The following MYOM1 variants were observed in gnomAD, a reference collection of about 807,000 sequenced individuals.
MYOM1 encodes the protein myomesin-1.
In MYOM1, 164 loss-of-function variants were observed where a neutral mutation model predicts 205.3. The observed-to-expected ratio is 0.80, with a 90% CI of 0.70 to 0.91. The LOEUF (loss-of-function observed/expected upper bound fraction) is 0.91. MYOM1 is among the 40% of genes least tolerant of loss of function. The pLI, the probability that MYOM1 is intolerant of heterozygous loss-of-function variation, is 0.00. For missense variants in MYOM1, 2,011 were observed against 2,127.3 expected (o/e 0.95, Z 1.08); for synonymous variants, 772 against 789.4 (o/e 0.98, Z 0.37).
At position 3,086,148 on chromosome 18, in the gene MYOM1, C is replaced by A; in HGVS notation, c.4141G>T (p.Ala1381Ser). The A allele has an allele frequency of 6.4e-7, 1 of 1,573,324 alleles. No homozygotes were observed. Among genetic ancestry groups the A allele is most frequent in the Non-Finnish European group, 8.6e-7 (1 of 1,156,108 alleles). Residue 1381 changes from alanine (A) to serine (S), a missense_variant, in exon 30 of 38, where the codon GCA becomes TCA. Ala to Ser is a moderately conservative substitution (Grantham distance 99, BLOSUM62 1). Transcript: ENST00000356443. ...ATATGAGTCTCCTTCTTAATATTTG[C>A]CACCTAGGAGAAAAACCATAATTAC... Reference protein sequence around the residue: ...ECNVLLKCKVANIKKETHIVW... With the variant: ...ECNVLLKCKVSNIKKETHIVW...
intron 25 of MYOM1, among the ~76,000 whole-genome samples, chr18:3,095,708 C>G (rs181758141): frequency 6.6e-6 from 1 of 152,138 alleles, no homozygotes; most frequent in South Asian, 2.1e-4. Flanking sequence ...AACTGCACCC[C>G]AGGAGACAGT....
upstream of MYOM1, among the ~76,000 whole-genome samples, chr18:3,224,956 T>C (rs113162716): frequency 0.042 from 6,409 of 152,006 alleles, 406 homozygotes; most frequent in African/African-American, 0.14. Flanking sequence ...TGAGCCACCG[T>C]GCCCGGCCTA....
intron 37 of MYOM1, among the ~76,000 whole-genome samples, chr18:3,071,343 G>T (rs1478937805): frequency 6.6e-6 from 1 of 152,046 alleles, no homozygotes; most frequent in Non-Finnish European, 1.5e-5. Context: ...CCTATGAAAC[G>T]TTAAGATGAT....
At position 3,119,895 on chromosome 18, in the gene MYOM1, C is replaced by T. The variant is rs1042281076; in HGVS notation, c.3092G>A (p.Cys1031Tyr). The T allele has an allele frequency of 3.1e-6, 5 of 1,612,478 alleles. No individual in the cohort carries two copies. The highest frequency in any genetic ancestry group is 4.2e-6 in the Non-Finnish European group (5 of 1,179,208). The change falls in exon 20 of 38, where the codon TGT becomes TAT. Residue 1031 changes from cysteine to tyrosine, a missense_variant. Coordinates refer to ENST00000356443, the MANE Select transcript of MYOM1 (RefSeq NM_003803.4). ...TGGGACGGCGATGGTCCACTCTTCACATTTGAAGCATTCGCTTACTGCGGA... is the reference window on the plus strand; with the variant it reads ...TGGGACGGCGATGGTCCACTCTTCATATTTGAAGCATTCGCTTACTGCGGA... The part of the protein sequence containing the change: ...APSAVSECFK[C>Y]EEWTIAVPGP...
chr18:3,227,199 G>C, the MYOM1 span, among the ~76,000 whole-genome samples: 1 of 150,912 alleles, frequency 6.6e-6, no homozygotes, highest in Non-Finnish European at 1.5e-5. Context: ...TAACTTTCTT[G>C]TTTGTATTTT....
At chr18:3,117,971 G>C (rs1373667509) in intron 20 of MYOM1, among the ~76,000 whole-genome samples, 3 of 152,096 alleles carry the variant, frequency 2.0e-5, no homozygotes, top group Non-Finnish European at 4.4e-5. Flanking sequence ...GTCATCCTGA[G>C]AACCCAGGGA....
chr18:3,068,098 C>T (rs538651423), intron 37 of MYOM1, among the ~76,000 whole-genome samples: 1 of 152,242 alleles, frequency 6.6e-6, no homozygotes, highest in South Asian at 2.1e-4. Flanking sequence ...CAGTGGTCCC[C>T]TACCAAAACG....
At chr18:3,210,790 G>A (rs2081182337) in intron 2 of MYOM1, among the ~76,000 whole-genome samples, 1 of 152,200 alleles carries the variant, frequency 6.6e-6, no homozygotes, top group Admixed American at 6.5e-5. Flanking sequence ...CGTGGAAAGG[G>A]TGGGGACCTG....
intron 22 of MYOM1, among the ~76,000 whole-genome samples, chr18:3,106,313 A>G (rs2079450921): frequency 6.6e-6 from 1 of 152,238 alleles, no homozygotes; most frequent in African/African-American, 2.4e-5. Flanking sequence ...ATCTTTTGTG[A>G]AAATATGAAA....
chr18:3,075,412 T>C (rs767419206), intron 36 of MYOM1, 42 bp downstream of exon 36: 12 of 1,577,876 alleles, frequency 7.6e-6, no homozygotes, highest in Non-Finnish European at 1.0e-5. Flanking sequence ...TTTGAATCTA[T>C]CCCAGGAGTA....
chr18:3,067,065 C>G lies in MYOM1; in HGVS notation c.*197G>C. On this transcript the variant is annotated 3_prime_UTR_variant, in exon 38 of 38. Transcript: ENST00000356443. ...CATGCTATGAATGGTATTTTCTTAA[C>G]ACATAATTTTGTAGATAAAGAAAAA... is the stretch of plus-strand genomic sequence containing the variant. 1.6e-6 allele frequency: 1 copy of G among 608,426 alleles called. No individual in the cohort carries two copies. The highest frequency in any genetic ancestry group is 2.3e-5 in the South Asian group (1 of 43,998). 37.7% of individuals were successfully genotyped at this position (608,426 alleles called of 1,614,324 possible). A position where few individuals can be genotyped will look rare whatever the true frequency, so the allele number is the denominator to read the frequency against.
At chr18:3,229,976 CA>C in the MYOM1 span, among the ~76,000 whole-genome samples, 23,599 of 78,738 alleles carry the variant, frequency 0.3, 1,181 homozygotes, top group East Asian at 0.49. Context: ...AACTCCATCT[CA>C]AAAAAAAAAA....
chr18:3,094,809 G>A (rs2079279014), intron 25 of MYOM1, among the ~76,000 whole-genome samples: 2 of 151,740 alleles, frequency 1.3e-5, no homozygotes, highest in South Asian at 2.1e-4. Context: ...CAACAGTCAC[G>A]CACCACCACA....
intron 13 of MYOM1, among the ~76,000 whole-genome samples, chr18:3,145,282 C>T (rs763187311): frequency 2.0e-5 from 3 of 151,124 alleles, no homozygotes; most frequent in Non-Finnish European, 4.4e-5. Flanking sequence ...TGCACTCCAG[C>T]CTGGGAAACA....
At chr18:3,221,526 G>A (rs1330216769), upstream of MYOM1, among the ~76,000 whole-genome samples, 1 of 152,188 alleles carries the variant, frequency 6.6e-6, no homozygotes, top group Non-Finnish European at 1.5e-5. Flanking sequence ...AGAAGGGAAG[G>A]CATTTGCCAA....
At chr18:3,122,544 AT>A (rs1259763749) in intron 19 of MYOM1, among the ~76,000 whole-genome samples, 1 of 152,128 alleles carries the variant, frequency 6.6e-6, no homozygotes, top group Admixed American at 6.6e-5. Flanking sequence ...ACTATCCTGC[AT>A]TTTTTTCCTT....
intron 13 of MYOM1, among the ~76,000 whole-genome samples, chr18:3,145,322 AAATAC>A (rs1228036481): frequency 6.6e-5 from 10 of 152,056 alleles, no homozygotes; most frequent in Admixed American, 3.9e-4. Flanking sequence ...AAAAAAAAAA[AAATAC>A]AATGCTTTTC....
chr18:3,163,355 GAAGA>G (rs2080421841), intron 10 of MYOM1, among the ~76,000 whole-genome samples: 1 of 152,180 alleles, frequency 6.6e-6, no homozygotes, highest in Admixed American at 6.5e-5. Flanking sequence ...CCCTGAAGAC[GAAGA>G]AAGTCCTGAT....
chr18:3,164,581 T>A (rs781342492), intron 9 of MYOM1, 142 bp from the exon 10 acceptor site: 172 of 799,268 alleles, frequency 2.2e-4, no homozygotes, highest in Non-Finnish European at 2.8e-4. Flanking sequence ...CTTTGAGCCA[T>A]CCTGATATGT....
Sources: gnomAD v4.1 joint callset for allele counts (sites outside exome capture counted in the v4.1 genomes callset) on GRCh38, gnomAD v4.1.1 for gene constraint, MANE v1.5 for transcripts, NCBI Gene and HGNC (gene_info 2026-07-23, HGNC 2026-07-21) for gene names.